The following PDE1C variants were observed in gnomAD, a reference collection of about 807,000 sequenced individuals.
The protein encoded by PDE1C is dual specificity calcium/calmodulin-dependent 3',5'-cyclic nucleotide phosphodiesterase 1C.
PDE1C carries 62 observed loss-of-function variants against 93.1 expected under a neutral mutation model. The observed-to-expected ratio is 0.67, with a 90% CI of 0.54 to 0.82. The LOEUF is 0.82. Among genes scored for constraint, PDE1C ranks in the 40% least tolerant of loss-of-function variants. The pLI, the probability that PDE1C is intolerant of heterozygous loss-of-function variation, is 0.00. For missense variants in PDE1C, 742 were observed against 884.6 expected (o/e 0.84, Z 2.04); for synonymous variants, 325 against 310.1 (o/e 1.05, Z -0.50).
rs1262818525 is a variant in PDE1C at position 31,851,079 on chromosome 7, C to T, written c.751-338G>A. On this transcript the variant is annotated intron_variant, in intron 7 of 17. Coordinates refer to ENST00000396191, the MANE Select transcript of PDE1C (RefSeq NM_001191057.4). Reference sequence around the variant, plus strand: ...CTAGGTAGACACACACACACACACACACACACACACACACACACACATAAA... The same window carrying T: ...CTAGGTAGACACACACACACACACATACACACACACACACACACACATAAA... Among the ~76,000 whole-genome samples, 5 of 33,362 alleles carry T rather than the reference C, an allele frequency of 1.5e-4. No individual in the cohort carries two copies. In the East Asian group the frequency reaches 6.7e-3, roughly 44 times the overall value. The allele number at this position is 33,362 out of a possible 152,430, so 21.9% of individuals were successfully genotyped here. A position where few individuals can be genotyped will look rare whatever the true frequency, so the allele number is the denominator to read the frequency against.
At chr7:31,828,153 A>G (rs1339696710) in intron 12 of PDE1C, 139 bp downstream of exon 12, 1 of 566,330 alleles carries the variant, frequency 1.8e-6, no homozygotes, top group Non-Finnish European at 3.2e-6. Flanking sequence ...GGTTCCATAA[A>G]TTGAATCAGG....
intron 5 of PDE1C, among the ~76,000 whole-genome samples, chr7:31,874,960 C>T (rs776165560): frequency 1.3e-5 from 2 of 152,174 alleles, no homozygotes; most frequent in African/African-American, 4.8e-5. Context: ...CACCAATGAC[C>T]CTTAATGATC....
At chr7:32,290,297 A>G (rs1457574163) in intron 1 of PDE1C, among the ~76,000 whole-genome samples, 2 of 152,228 alleles carry the variant, frequency 1.3e-5, no homozygotes, top group Admixed American at 6.5e-5. Flanking sequence ...AGAATGCTAC[A>G]TAAGTGGCTG....
At chr7:31,835,585 G>A (rs1790988520) in intron 11 of PDE1C, among the ~76,000 whole-genome samples, 1 of 151,086 alleles carries the variant, frequency 6.6e-6, no homozygotes, top group African/African-American at 2.4e-5. Context: ...ACAGAGTGAA[G>A]GAAATGCCTT....
chr7:32,226,339 G>C (rs1002296402), intron 1 of PDE1C, among the ~76,000 whole-genome samples: 5 of 152,124 alleles, frequency 3.3e-5, no homozygotes, highest in Non-Finnish European at 7.4e-5. Context: ...ACTATAAGGA[G>C]ATGAGGGCCT....
intron 1 of PDE1C, among the ~76,000 whole-genome samples, chr7:32,312,829 A>C (rs1178367278): frequency 2.6e-5 from 4 of 152,240 alleles, no homozygotes; most frequent in Non-Finnish European, 4.4e-5. Context: ...AATACCATTC[A>C]GGACATAGGC....
At chr7:31,877,771 T>A (rs1429437920) in intron 5 of PDE1C, among the ~76,000 whole-genome samples, 199 bp downstream of exon 5, 1 of 151,038 alleles carries the variant, frequency 6.6e-6, no homozygotes, top group Non-Finnish European at 1.5e-5. Context: ...ACACAGAGTT[T>A]GATTGTTTTT....
chr7:32,278,096 G>A (rs539140605), intron 1 of PDE1C, among the ~76,000 whole-genome samples: 102 of 145,534 alleles, frequency 7.0e-4, no homozygotes, highest in Middle Eastern at 3.5e-3. Context: ...GCTGAAACAC[G>A]GGCAGATGGA....
intron 2 of PDE1C, among the ~76,000 whole-genome samples, chr7:31,964,437 G>A (rs1809562073): frequency 6.6e-6 from 1 of 152,218 alleles, no homozygotes; most frequent in African/African-American, 2.4e-5. Flanking sequence ...TGAGGCTTGA[G>A]TAGGTAAACA....
intron 3 of PDE1C, among the ~76,000 whole-genome samples, chr7:32,121,766 C>T (rs1799313918): frequency 6.6e-6 from 1 of 152,152 alleles, no homozygotes; most frequent in African/African-American, 2.4e-5. Context: ...ACTGCAAAAA[C>T]ACACCAAAAT....
chr7:31,972,453 C>G (rs1378213790), intron 2 of PDE1C, among the ~76,000 whole-genome samples: 2 of 152,142 alleles, frequency 1.3e-5, no homozygotes, highest in Admixed American at 6.5e-5. Context: ...TAGAGAAAGT[C>G]TCTAAGCAAG....
chr7:32,185,506 GTAAT>G (rs1329860886), intron 2 of PDE1C, among the ~76,000 whole-genome samples: 1 of 152,038 alleles, frequency 6.6e-6, no homozygotes, highest in Non-Finnish European at 1.5e-5. Context: ...TTTTAGCAAA[GTAAT>G]TATTTCACAA....
At chr7:32,042,714 G>T (rs568257585) in intron 2 of PDE1C, among the ~76,000 whole-genome samples, 1 of 152,124 alleles carries the variant, frequency 6.6e-6, no homozygotes, top group African/African-American at 2.4e-5. Context: ...ATATATATGG[G>T]GTACAGACTA....
chr7:31,782,847 C>A (rs1783533449), intron 16 of PDE1C, among the ~76,000 whole-genome samples: 1 of 152,190 alleles, frequency 6.6e-6, no homozygotes, highest in Non-Finnish European at 1.5e-5. Flanking sequence ...AGCTATTCAA[C>A]ACTTTATTAT....
At chr7:32,362,468 T>G (rs1412558688) in intron 1 of PDE1C, among the ~76,000 whole-genome samples, 1 of 152,024 alleles carries the variant, frequency 6.6e-6, no homozygotes, top group African/African-American at 2.4e-5. Flanking sequence ...GAGCAAAATA[T>G]CCCCACTATT....
intron 2 of PDE1C, among the ~76,000 whole-genome samples, chr7:31,994,810 G>C (rs1055310906): frequency 6.6e-6 from 1 of 152,144 alleles, no homozygotes; most frequent in African/African-American, 2.4e-5. Flanking sequence ...ATTACAAAGA[G>C]TAACTGCATA....
the PDE1C span, among the ~76,000 whole-genome samples, chr7:31,741,376 A>G: frequency 6.6e-6 from 1 of 152,122 alleles, no homozygotes; most frequent in Non-Finnish European, 1.5e-5. Context: ...TTAACTTCAT[A>G]TTTTTAATCT....
chr7:32,279,928 A>G (rs769346095), intron 1 of PDE1C, among the ~76,000 whole-genome samples: 5 of 152,206 alleles, frequency 3.3e-5, no homozygotes, highest in African/African-American at 1.2e-4. Context: ...CTTTATGTTT[A>G]TTGCAACAGA....
At chr7:32,076,660 A>T (rs1796375574) in intron 3 of PDE1C, among the ~76,000 whole-genome samples, 1 of 150,908 alleles carries the variant, frequency 6.6e-6, no homozygotes, top group Admixed American at 6.6e-5. Context: ...AAAAAAAAGA[A>T]AAAAAGAAAA....
Sources: gnomAD v4.1 joint callset for allele counts (sites outside exome capture counted in the v4.1 genomes callset) on GRCh38, gnomAD v4.1.1 for gene constraint, MANE v1.5 for transcripts, NCBI Gene and HGNC (gene_info 2026-07-23, HGNC 2026-07-21) for gene names.